The following CDH4 variants were observed in gnomAD, a reference collection of about 807,000 sequenced individuals.
CDH4 encodes the protein cadherin 4.
A neutral mutation model predicts 86.0 loss-of-function variants in CDH4; 33 were observed. That is an observed-to-expected ratio of 0.38 (90% CI 0.29 to 0.51). CDH4 has a LOEUF of 0.51. CDH4 is among the 20% of genes least tolerant of loss of function. CDH4 has a pLI of 0.86. For synonymous variants in CDH4, 555 were observed against 549.4 expected (o/e 1.01, Z -0.14); for missense variants, 1,114 against 1,307.4 (o/e 0.85, Z 2.28).
At chr20:61,855,535 CCTCT>C (rs1459936502) in intron 6 of CDH4, among the ~76,000 whole-genome samples, 1 of 152,202 alleles carries the variant, frequency 6.6e-6, no homozygotes, top group Non-Finnish European at 1.5e-5. Context: ...ATACCACTGG[CCTCT>C]CTCCCGGAGA....
At chr20:61,346,741 C>CAA (rs11477481) in intron 2 of CDH4, among the ~76,000 whole-genome samples, 2 of 135,434 alleles carry the variant, frequency 1.5e-5, no homozygotes, top group East Asian at 2.3e-4. Context: ...GAGACTCTGT[C>CAA]AAAAAAAAAA....
At chr20:61,776,212 C>T (rs1483434131) in intron 4 of CDH4, among the ~76,000 whole-genome samples, 1 of 152,244 alleles carries the variant, frequency 6.6e-6, no homozygotes, top group Non-Finnish European at 1.5e-5. Context: ...CATGGCTTTC[C>T]AATTTGCAGC....
At position 61,463,598 on chromosome 20, in the gene CDH4, A is replaced by G. The variant is rs922142453; in HGVS notation, c.169+208661A>G. 8.5e-5 allele frequency among the ~76,000 whole-genome samples: 13 copies of G among 152,332 alleles called. 1 individual carries two copies. The South Asian group carries it at 2.7e-3, about 32-fold the overall frequency. On this transcript the variant is annotated intron_variant, in intron 2 of 15. Coordinates refer to ENST00000614565, the MANE Select transcript of CDH4 (RefSeq NM_001794.5). ...GTCAGGAGTGAAGACAATGGCTTCA[A>G]ATGTGCATAGGTGGGTCCTGGAGGA...
intron 2 of CDH4, among the ~76,000 whole-genome samples, chr20:61,657,629 G>A (rs1252207723): frequency 6.6e-6 from 1 of 152,208 alleles, no homozygotes; most frequent in Non-Finnish European, 1.5e-5. Context: ...AAACTGTCCT[G>A]GAAAGATCTA....
chr20:61,810,970 C>T lies in CDH4; in HGVS notation c.577-33698C>T, dbSNP rs559370473. ...TTATCCTGCACTGCAAATGATGCTG[C>T]ATTTGTAACGGGAGCTAGAAAGGAA... On this transcript the variant is annotated intron_variant, in intron 4 of 15. Coordinates refer to ENST00000614565, the MANE Select transcript of CDH4 (RefSeq NM_001794.5). The surrounding 1 kb of genome is among the most constrained non-coding windows in gnomAD (Gnocchi z 4.3). Among the ~76,000 whole-genome samples, 366 of 152,326 alleles carry T rather than the reference C, an allele frequency of 2.4e-3. No individual in the cohort carries two copies. Among genetic ancestry groups the T allele is most frequent in the Middle Eastern group, 0.02 (6 of 294 alleles).
At chr20:61,380,855 G>C (rs563275169) in intron 2 of CDH4, among the ~76,000 whole-genome samples, 1 of 152,174 alleles carries the variant, frequency 6.6e-6, no homozygotes. Flanking sequence ...TGTTGCATCC[G>C]AAGTATTTCT....
At position 61,623,191 on chromosome 20, in the gene CDH4, C is replaced by T. The variant is rs890936677; in HGVS notation, c.170-120372C>T. 6.6e-6 allele frequency among the ~76,000 whole-genome samples: 1 copy of T among 152,166 alleles called. No individual in the cohort carries two copies. Among genetic ancestry groups the T allele is most frequent in the Non-Finnish European group, 1.5e-5 (1 of 68,028 alleles). ...AAGGGCCTGGGTTCAAATCTCGACC[C>T]TGCCTATGCCAGCCGCTGGCTCACC... On this transcript the variant is annotated intron_variant, in intron 2 of 15. Transcript: ENST00000614565. This position sits in a 1 kb window ranked among gnomAD's most constrained non-coding sequence, Gnocchi z 4.4.
chr20:61,599,108 A>G (rs1215827319), intron 2 of CDH4, among the ~76,000 whole-genome samples: 2 of 152,024 alleles, frequency 1.3e-5, no homozygotes, highest in African/African-American at 2.4e-5. Flanking sequence ...GGGACCTCCA[A>G]TCCGCCCCTG....
intron 2 of CDH4, among the ~76,000 whole-genome samples, chr20:61,686,602 CGT>C (rs746644532): frequency 4.7e-5 from 7 of 147,396 alleles, no homozygotes; most frequent in Non-Finnish European, 7.4e-5. Context: ...TGCATGAGCA[CGT>C]GTGTGCATGT....
chr20:61,729,585 C>T (rs149001839), intron 2 of CDH4, among the ~76,000 whole-genome samples: 18 of 152,334 alleles, frequency 1.2e-4, no homozygotes, highest in East Asian at 1.9e-4. Flanking sequence ...TGAGGAGCTG[C>T]GTCTCCTCTT....
intron 2 of CDH4, among the ~76,000 whole-genome samples, chr20:61,721,523 A>G (rs904535757): frequency 3.9e-5 from 6 of 152,252 alleles, no homozygotes; most frequent in Non-Finnish European, 8.8e-5. Context: ...AAAATGTCAT[A>G]TAACTTTTAT....
At chr20:61,892,034 C>A (rs1230660230) in intron 7 of CDH4, among the ~76,000 whole-genome samples, 1 of 152,246 alleles carries the variant, frequency 6.6e-6, no homozygotes, top group African/African-American at 2.4e-5. Flanking sequence ...TGTGCAGATA[C>A]TCAGCTCTGC....
chr20:61,526,730 G>A (rs907216683), intron 2 of CDH4, among the ~76,000 whole-genome samples: 1 of 147,240 alleles, frequency 6.8e-6, no homozygotes, highest in Non-Finnish European at 1.5e-5. Context: ...TATGAGTGAT[G>A]GGGAGACTGG....
chr20:61,467,712 A>C (rs920441963), intron 2 of CDH4, among the ~76,000 whole-genome samples: 1 of 152,184 alleles, frequency 6.6e-6, no homozygotes, highest in Non-Finnish European at 1.5e-5. Flanking sequence ...TGCTTTTTCC[A>C]TATCCATCAT....
chr20:61,794,709 A>G (rs1321005285), intron 4 of CDH4, among the ~76,000 whole-genome samples: 2 of 152,184 alleles, frequency 1.3e-5, no homozygotes, highest in East Asian at 3.9e-4. Context: ...GGCTGGTCCC[A>G]TGCACCTAGG....
chr20:61,645,764 C>T (rs552695434), intron 2 of CDH4, among the ~76,000 whole-genome samples: 3 of 152,262 alleles, frequency 2.0e-5, no homozygotes, highest in African/African-American at 7.2e-5. Flanking sequence ...TGGTTATCAC[C>T]TGCACACACT....
intron 2 of CDH4, among the ~76,000 whole-genome samples, chr20:61,327,916 T>C (rs2084545127): frequency 6.6e-6 from 1 of 152,182 alleles, no homozygotes; most frequent in African/African-American, 2.4e-5. Flanking sequence ...GTTTTATGAA[T>C]GGCCATGGAA....
chr20:61,875,054 G>T (rs1351719978), intron 7 of CDH4, among the ~76,000 whole-genome samples: 1 of 152,200 alleles, frequency 6.6e-6, no homozygotes, highest in Non-Finnish European at 1.5e-5. Flanking sequence ...TGCTGGTGTC[G>T]CTTTTGGGGC....
chr20:61,835,386 A>G (rs879593060), intron 4 of CDH4, among the ~76,000 whole-genome samples: 9 of 152,246 alleles, frequency 5.9e-5, no homozygotes, highest in South Asian at 2.1e-4. Flanking sequence ...AATAAAAAAA[A>G]TAGCTGGCCA....
Sources: allele counts gnomAD v4.1 joint callset (sites outside exome capture counted in the v4.1 genomes callset), GRCh38; gene constraint gnomAD v4.1.1; non-coding constraint Gnocchi (gnomAD v3.1); transcripts MANE v1.5; gene names NCBI Gene and HGNC (gene_info 2026-07-23, HGNC 2026-07-21).